Variants in ETFA observed in about 807,000 individuals in gnomAD.
ETFA encodes the protein electron transfer flavoprotein subunit alpha, mitochondrial.
Under a neutral mutation model 46.2 loss-of-function variants are expected in ETFA, and 22 were observed. That is an observed-to-expected ratio of 0.48 (90% CI 0.34 to 0.68). The LOEUF (loss-of-function observed/expected upper bound fraction) is 0.68, where lower values mean the gene tolerates loss of function less well. ETFA is among the 30% of genes least tolerant of loss of function. The pLI is 0.01. For missense variants in ETFA, 345 were observed against 401.1 expected (o/e 0.86, Z 1.19); for synonymous variants, 131 against 139.9 (o/e 0.94, Z 0.45).
intron 9 of ETFA, among the ~76,000 whole-genome samples, chr15:76,257,244 G>C (rs1229209589): frequency 6.6e-6 from 1 of 152,084 alleles, no homozygotes; most frequent in Non-Finnish European, 1.5e-5. Context: ...TGGAGACTTG[G>C]GACAGAAAAG....
intron 9 of ETFA, among the ~76,000 whole-genome samples, chr15:76,273,361 C>T (rs1027994670): frequency 1.3e-5 from 2 of 152,014 alleles, no homozygotes; most frequent in Non-Finnish European, 2.9e-5. Flanking sequence ...CAAGACCAGC[C>T]TGGCCAAGAT....
chr15:76,265,579 T>A (rs1241703693), intron 9 of ETFA, among the ~76,000 whole-genome samples: 1 of 152,192 alleles, frequency 6.6e-6, no homozygotes, highest in African/African-American at 2.4e-5. Flanking sequence ...GACAAAAGAC[T>A]TCCACGGGTA....
At chr15:76,225,770 T>C (rs1337979946) in intron 11 of ETFA, 79 bp downstream of exon 11, 4 of 896,772 alleles carry the variant, frequency 4.5e-6, no homozygotes, top group Non-Finnish European at 7.6e-6. Context: ...TTTCTTTTAA[T>C]AGCTTCATCC....
At position 76,216,840 on chromosome 15, in the gene ETFA, C is replaced by CTTTTTTTT. The variant is rs373144812; in HGVS notation, c.964-251_964-244dup. Among the ~76,000 whole-genome samples, 15 of 89,288 alleles carry CTTTTTTTT rather than the reference C, an allele frequency of 1.7e-4. 1 individual carries two copies. Among genetic ancestry groups the CTTTTTTTT allele is most frequent in the East Asian group, 3.2e-4 (1 of 3,140 alleles). The allele number at this position is 89,288 out of a possible 152,430, so 58.6% of individuals were successfully genotyped here. A position where few individuals can be genotyped will look rare whatever the true frequency, so the allele number is the denominator to read the frequency against. ...CACTCATTGCCTAGGTGCCTTTTGC[C>CTTTTTTTT]TTTTTTTTTTTTTTTTTTTTTTTGA... On this transcript the variant is annotated intron_variant, in intron 11 of 11. Transcript: ENST00000557943.
intron 9 of ETFA, among the ~76,000 whole-genome samples, chr15:76,272,366 A>G (rs1426148264): frequency 1.3e-5 from 2 of 151,954 alleles, no homozygotes; most frequent in East Asian, 1.9e-4. Flanking sequence ...GACTACAGGC[A>G]CATGCCACCA....
intron 8 of ETFA, among the ~76,000 whole-genome samples, chr15:76,277,360 G>A (rs1161565594): frequency 2.0e-5 from 3 of 152,094 alleles, no homozygotes; most frequent in African/African-American, 7.2e-5. Flanking sequence ...TTTTAAAATG[G>A]TTCCCTTTCC....
At chr15:76,308,433 AC>A (rs2141560198) in intron 1 of ETFA, among the ~76,000 whole-genome samples, 1 of 152,350 alleles carries the variant, frequency 6.6e-6, no homozygotes, top group African/African-American at 2.4e-5. Flanking sequence ...GGATAAACCA[AC>A]ATTAAGTACC....
At chr15:76,280,917 CTTTTTTTT>C (rs35907442) in intron 8 of ETFA, among the ~76,000 whole-genome samples, 1 of 102,064 alleles carries the variant, frequency 9.8e-6, no homozygotes, top group African/African-American at 4.0e-5. Context: ...GTTCAGATGT[CTTTTTTTT>C]TTTTTTTTTT....
At chr15:76,296,285 T>C (rs908268665) in intron 1 of ETFA, among the ~76,000 whole-genome samples, 9 of 152,138 alleles carry the variant, frequency 5.9e-5, no homozygotes, top group Non-Finnish European at 1.3e-4. Flanking sequence ...GAACGCAAAT[T>C]AGCCTTCTAT....
chr15:76,258,666 C>G (rs1378675850), intron 9 of ETFA, among the ~76,000 whole-genome samples: 1 of 152,172 alleles, frequency 6.6e-6, no homozygotes, highest in Non-Finnish European at 1.5e-5. Context: ...GGACCTGGAC[C>G]CCCCACTGCC....
Position 76,262,474 on chromosome 15 carries a change from C to CCT in ETFA, c.816+11937_816+11938insAG, listed in dbSNP as rs1288079854. Among the ~76,000 whole-genome samples, 104 of 84,732 alleles carry CCT rather than the reference C, an allele frequency of 1.2e-3. 2 individuals carry two copies. The highest frequency in any genetic ancestry group is 3.8e-3 in the African/African-American group (89 of 23,204). The allele number at this position is 84,732 out of a possible 152,430, so 55.6% of individuals were successfully genotyped here. On this transcript the variant is annotated intron_variant, in intron 9 of 11. Transcript: ENST00000557943. Reference sequence around the variant, plus strand: ...CCTAGGTATACCATAATCAAACCCCCTTTTTTTTTTTTTTTTTTTTTTTTT... The same window carrying CCT: ...CCTAGGTATACCATAATCAAACCCCCCTTTTTTTTTTTTTTTTTTTTTTTTTT...
intron 9 of ETFA, among the ~76,000 whole-genome samples, chr15:76,233,330 T>A (rs1437293029): frequency 3.6e-5 from 5 of 138,110 alleles, no homozygotes; most frequent in African/African-American, 5.6e-5. Flanking sequence ...ATAGGCTTTT[T>A]TTTTTTTTTT....
intron 1 of ETFA, among the ~76,000 whole-genome samples, chr15:76,306,552 C>T (rs1195965962): frequency 6.6e-6 from 1 of 152,040 alleles, no homozygotes; most frequent in Non-Finnish European, 1.5e-5. Flanking sequence ...ACATGAGCCA[C>T]TGCACCCAGC....
chr15:76,220,844 A>G (rs986710929), intron 11 of ETFA, among the ~76,000 whole-genome samples: 3 of 152,238 alleles, frequency 2.0e-5, no homozygotes, highest in Admixed American at 2.0e-4. Flanking sequence ...TAATGAGTAT[A>G]TAGAAAAACT....
At chr15:76,234,026 A>G (rs936162044) in intron 9 of ETFA, among the ~76,000 whole-genome samples, 3 of 152,212 alleles carry the variant, frequency 2.0e-5, no homozygotes, top group Admixed American at 6.5e-5. Flanking sequence ...GACTTTAACC[A>G]TAAGTGTCAC....
intron 2 of ETFA, among the ~76,000 whole-genome samples, chr15:76,292,946 G>T (rs576148353): frequency 6.6e-6 from 1 of 152,246 alleles, no homozygotes; most frequent in African/African-American, 2.4e-5. Context: ...AGACCAGCCT[G>T]GCCAACATGG....
chr15:76,305,979 C>T (rs192267115), intron 1 of ETFA, among the ~76,000 whole-genome samples: 3 of 151,920 alleles, frequency 2.0e-5, no homozygotes, highest in Admixed American at 6.6e-5. Context: ...ACATGAGTAG[C>T]TGTGACTACA....
intron 7 of ETFA, 76 bp from the exon 8 acceptor site, chr15:76,283,901 C>A: frequency 9.5e-7 from 1 of 1,047,284 alleles, no homozygotes; most frequent in Non-Finnish European, 1.5e-6. Flanking sequence ...ATTTTATATA[C>A]TGGAGTAAAT....
chr15:76,233,809 A>G (rs2039094421), intron 9 of ETFA, among the ~76,000 whole-genome samples: 1 of 152,250 alleles, frequency 6.6e-6, no homozygotes, highest in Non-Finnish European at 1.5e-5. Flanking sequence ...TCTTTTAGGT[A>G]TATTCTCAAA....
Sources: gnomAD v4.1 joint callset for allele counts (sites outside exome capture counted in the v4.1 genomes callset) on GRCh38, gnomAD v4.1.1 for gene constraint, MANE v1.5 for transcripts, NCBI Gene and HGNC (gene_info 2026-07-23, HGNC 2026-07-21) for gene names.